Variants in ARHGAP12 observed in about 807,000 individuals in gnomAD.
ARHGAP12 encodes the protein rho GTPase-activating protein 12.
A neutral mutation model predicts 108.6 loss-of-function variants in ARHGAP12; 64 were observed. That is an observed-to-expected ratio of 0.59 (90% CI 0.48 to 0.73). ARHGAP12 has a LOEUF of 0.73. ARHGAP12 is among the 30% of genes least tolerant of loss of function. The pLI is 0.00. For missense variants in ARHGAP12, 940 were observed against 1,005.9 expected (o/e 0.93, Z 0.89); for synonymous variants, 312 against 337.2 (o/e 0.93, Z 0.82).
intron 6 of ARHGAP12, among the ~76,000 whole-genome samples, chr10:31,851,531 G>A (rs1446789225): frequency 6.6e-6 from 1 of 152,098 alleles, no homozygotes; most frequent in Non-Finnish European, 1.5e-5. Flanking sequence ...GCTCTCTTCT[G>A]CTACTTGGTC....
At chr10:31,910,158 C>T (rs989567231) in intron 2 of ARHGAP12, among the ~76,000 whole-genome samples, 5 of 152,176 alleles carry the variant, frequency 3.3e-5, no homozygotes, top group African/African-American at 1.2e-4. Flanking sequence ...AAATAACTGT[C>T]TGCTGTTTAA....
intron 1 of ARHGAP12, among the ~76,000 whole-genome samples, chr10:31,914,294 T>TA (rs1839470998): frequency 6.6e-6 from 1 of 152,174 alleles, no homozygotes; most frequent in Non-Finnish European, 1.5e-5. Context: ...AGTAGGTTCA[T>TA]AGTTTCAGGT....
intron 12 of ARHGAP12, among the ~76,000 whole-genome samples, 189 bp from the exon 13 acceptor site, chr10:31,818,075 A>G (rs1835274240): frequency 6.6e-6 from 1 of 152,208 alleles, no homozygotes; most frequent in South Asian, 2.1e-4. Flanking sequence ...TATCAGTTGA[A>G]TAAAAAAACA....
intron 11 of ARHGAP12, among the ~76,000 whole-genome samples, chr10:31,823,339 G>T (rs1835484480): frequency 1.3e-5 from 2 of 152,084 alleles, no homozygotes. Context: ...ACCAGTGGAA[G>T]GTATCTGTCC....
intron 3 of ARHGAP12, among the ~76,000 whole-genome samples, chr10:31,889,626 T>G (rs1441988328): frequency 7.4e-6 from 1 of 134,572 alleles, no homozygotes; most frequent in Admixed American, 7.3e-5. Flanking sequence ...CTCGTTTTTT[T>G]TTTTTTTTTT....
chr10:31,834,709 G>C (rs1835948407), intron 9 of ARHGAP12, among the ~76,000 whole-genome samples: 1 of 152,122 alleles, frequency 6.6e-6, no homozygotes, highest in Non-Finnish European at 1.5e-5. Context: ...ACTGTATCAA[G>C]CATGTAGTTG....
intron 18 of ARHGAP12, 120 bp downstream of exon 18, chr10:31,808,874 T>G: frequency 1.4e-6 from 2 of 1,385,066 alleles, no homozygotes; most frequent in South Asian, 1.3e-5. Flanking sequence ...TTTAAAATGT[T>G]TGGAGTAAAA....
chr10:31,919,003 G>A (rs1042490723), intron 1 of ARHGAP12, among the ~76,000 whole-genome samples: 3 of 152,170 alleles, frequency 2.0e-5, no homozygotes, highest in East Asian at 1.9e-4. Flanking sequence ...ATCAATGGAC[G>A]AATAAACAAA....
intron 3 of ARHGAP12, among the ~76,000 whole-genome samples, chr10:31,881,567 T>C (rs367854958): frequency 3.3e-5 from 5 of 152,222 alleles, no homozygotes; most frequent in African/African-American, 1.2e-4. Flanking sequence ...TGTTAAGATT[T>C]ATTAAGCATT....
intron 16 of ARHGAP12, among the ~76,000 whole-genome samples, chr10:31,810,355 A>T (rs751810842): frequency 6.6e-6 from 1 of 152,180 alleles, no homozygotes; most frequent in Admixed American, 6.6e-5. Context: ...TCAATTTCAC[A>T]ATCACTACCT....
intron 1 of ARHGAP12, 106 bp downstream of exon 1, chr10:31,928,577 C>T (rs1418554853): frequency 2.0e-5 from 3 of 153,154 alleles, no homozygotes; most frequent in African/African-American, 7.3e-5. Context: ...CACGCCTCCC[C>T]CCGACTCCAC....
At chr10:31,914,446 CA>C (rs141278286) in intron 1 of ARHGAP12, among the ~76,000 whole-genome samples, 8 of 139,484 alleles carry the variant, frequency 5.7e-5, no homozygotes, top group Non-Finnish European at 6.3e-5. Flanking sequence ...AACTCAATAG[CA>C]AAAAAAAAAC....
At chr10:31,875,097 GGTTT>G (rs973489769) in intron 3 of ARHGAP12, among the ~76,000 whole-genome samples, 46 of 151,792 alleles carry the variant, frequency 3.0e-4, no homozygotes, top group Middle Eastern at 6.8e-3. Context: ...ATTACTGCTG[GGTTT>G]GTTTGTCTGC....
Position 31,814,279 on chromosome 10 carries a change from T to C in ARHGAP12, c.1814A>G (p.Lys605Arg). ...IEKHDKEKEQ[K>R]DPKKLRSFKV... ...CTTACAACGAAGCTTTTTGGGATCC[T>C]TTTGTTCCTTTTCTTTATCATGCTT... The change falls in exon 14 of 20, where the codon AAG becomes AGG. Residue 605 changes from lysine (K) to arginine (R), a missense_variant. Coordinates refer to ENST00000344936, the MANE Select transcript of ARHGAP12 (RefSeq NM_018287.7). 6.2e-7 allele frequency: 1 copy of C among 1,613,794 alleles called. No individual in the cohort carries two copies. Among genetic ancestry groups the C allele is most frequent in the South Asian group, 1.1e-5 (1 of 91,062 alleles).
chr10:31,862,610 A>C (rs576789462), intron 3 of ARHGAP12, among the ~76,000 whole-genome samples: 1 of 152,190 alleles, frequency 6.6e-6, no homozygotes, highest in South Asian at 2.1e-4. Context: ...TGAGACACAA[A>C]GTTATTTGTT....
At chr10:31,886,471 T>TA in intron 3 of ARHGAP12, among the ~76,000 whole-genome samples, 2 of 152,298 alleles carry the variant, frequency 1.3e-5, no homozygotes, top group East Asian at 3.9e-4. Context: ...GATTTTTTTT[T>TA]AATCATAGAT....
intron 3 of ARHGAP12, among the ~76,000 whole-genome samples, chr10:31,866,438 TGAATCCTACCACTCCCAA>T (rs1483624270): frequency 1.3e-5 from 2 of 151,766 alleles, no homozygotes; most frequent in Admixed American, 1.3e-4. Context: ...ACAAACAAGG[TGAATCCTACCACTCCCAA>T]GCTTTGTGCC....
At chr10:31,810,063 C>A (rs1045951717) in intron 16 of ARHGAP12, among the ~76,000 whole-genome samples, 1 of 152,046 alleles carries the variant, frequency 6.6e-6, no homozygotes, top group Non-Finnish European at 1.5e-5. Flanking sequence ...TTTAATTGTA[C>A]AAAATCTCTT....
chr10:31,865,972 GA>G (rs1459998929), intron 3 of ARHGAP12, among the ~76,000 whole-genome samples: 1 of 152,076 alleles, frequency 6.6e-6, no homozygotes, highest in Non-Finnish European at 1.5e-5. Flanking sequence ...AGTGCAAGAT[GA>G]AATGAGAACC....
Sources: allele counts gnomAD v4.1 joint callset (sites outside exome capture counted in the v4.1 genomes callset), GRCh38; gene constraint gnomAD v4.1.1; transcripts MANE v1.5; gene names NCBI Gene and HGNC (gene_info 2026-07-23, HGNC 2026-07-21).